Variants in DOCK3 observed in about 807,000 individuals in gnomAD.
DOCK3 encodes dedicator of cytokinesis protein 3.
Under a neutral mutation model 265.6 loss-of-function variants are expected in DOCK3, and 60 were observed. That is an observed-to-expected ratio of 0.23 (90% confidence interval 0.18 to 0.28). The LOEUF is 0.28. Among genes scored for constraint, DOCK3 ranks in the 10% least tolerant of loss-of-function variants. DOCK3 has a pLI of 1.00. For synonymous variants in DOCK3, 881 were observed against 938.0 expected (o/e 0.94, Z 1.11); for missense variants, 1,981 against 2,594.3 (o/e 0.76, Z 5.14).
chr3:50,956,516 A>G (rs1165771224), intron 5 of DOCK3, among the ~76,000 whole-genome samples: 1 of 152,204 alleles, frequency 6.6e-6, no homozygotes, highest in Non-Finnish European at 1.5e-5. Context: ...TGATTATACC[A>G]CTACATACTT....
At chr3:51,335,526 C>T (rs1186360848) in intron 35 of DOCK3, among the ~76,000 whole-genome samples, 1 of 152,198 alleles carries the variant, frequency 6.6e-6, no homozygotes, top group Non-Finnish European at 1.5e-5. Flanking sequence ...AAAAGAGGAC[C>T]AGCTCCTTGA....
At chr3:50,830,873 A>G (rs2045101544) in intron 2 of DOCK3, among the ~76,000 whole-genome samples, 2 of 152,230 alleles carry the variant, frequency 1.3e-5, no homozygotes, top group South Asian at 4.1e-4. Context: ...CAGGCAGAGC[A>G]GCCCTCCTGG....
intron 4 of DOCK3, among the ~76,000 whole-genome samples, chr3:50,921,954 C>T (rs1418600410): frequency 6.6e-6 from 1 of 152,182 alleles, no homozygotes; most frequent in African/African-American, 2.4e-5. Context: ...TATTCGGTGT[C>T]AGTCAGCCCT....
intron 12 of DOCK3, among the ~76,000 whole-genome samples, chr3:51,180,538 C>T (rs902277585): frequency 1.3e-5 from 2 of 152,124 alleles, no homozygotes; most frequent in African/African-American, 4.8e-5. Flanking sequence ...TTCTTTTTCA[C>T]GTTATTGTCT....
intron 3 of DOCK3, among the ~76,000 whole-genome samples, chr3:50,868,370 C>G (rs548957463): frequency 6.6e-6 from 1 of 152,188 alleles, no homozygotes; most frequent in South Asian, 2.1e-4. Context: ...CCATGCCCGG[C>G]CTGCTTTTGT....
chr3:50,849,661 T>C (rs1382888020), intron 3 of DOCK3, among the ~76,000 whole-genome samples: 2 of 152,152 alleles, frequency 1.3e-5, no homozygotes, highest in African/African-American at 4.8e-5. Flanking sequence ...AGAATAGCAA[T>C]GAAGACTAGA....
chr3:51,218,605 G>T (rs1245247877), intron 14 of DOCK3, among the ~76,000 whole-genome samples: 5 of 152,120 alleles, frequency 3.3e-5, no homozygotes, highest in Non-Finnish European at 7.4e-5. Flanking sequence ...CTTTGTCGTG[G>T]TTTTTTGGGA....
chr3:51,278,420 A>G, intron 26 of DOCK3: 1 of 985,356 alleles, frequency 1.0e-6, no homozygotes, highest in Non-Finnish European at 1.2e-6. Context: ...GTTTTCGTGG[A>G]ATCTTTCCAT....
intron 1 of DOCK3, among the ~76,000 whole-genome samples, chr3:50,725,495 G>C (rs1452305854): frequency 6.6e-6 from 1 of 152,186 alleles, no homozygotes; most frequent in South Asian, 2.1e-4. Context: ...TTCCTCTACT[G>C]ATACAGTGAT....
At chr3:51,058,909 A>G (rs1216989591) in intron 5 of DOCK3, among the ~76,000 whole-genome samples, 1 of 152,124 alleles carries the variant, frequency 6.6e-6, no homozygotes, top group East Asian at 1.9e-4. Flanking sequence ...TTACATATAT[A>G]TGTATGTATG....
intron 3 of DOCK3, among the ~76,000 whole-genome samples, chr3:50,864,425 T>C (rs2675823): frequency 0.057 from 8,711 of 152,240 alleles, 886 homozygotes; most frequent in African/African-American, 0.2. Context: ...GATTGTTTGC[T>C]TTGAAGAACT....
At chr3:50,799,283 G>A (rs139978979) in intron 2 of DOCK3, among the ~76,000 whole-genome samples, 49 of 152,212 alleles carry the variant, frequency 3.2e-4, no homozygotes, top group African/African-American at 1.0e-3. Context: ...GGATTGCATC[G>A]AATCTGTAGA....
chr3:51,322,866 T>C (rs911507688), intron 32 of DOCK3, among the ~76,000 whole-genome samples: 1 of 151,558 alleles, frequency 6.6e-6, no homozygotes, highest in African/African-American at 2.4e-5. Flanking sequence ...GCAAATTGGG[T>C]AAAGAGTCAA....
rs1253316730 is a variant in DOCK3, at chr3:51,277,759, G to A, written c.2823+5G>A. The A allele has an allele frequency of 6.2e-7, 1 of 1,609,652 alleles. No individual in the cohort carries two copies. Among genetic ancestry groups the A allele is most frequent in the East Asian group, 2.2e-5 (1 of 44,756 alleles). On this transcript the variant is annotated splice_donor_5th_base_variant and intron_variant, in intron 26 of 52. Transcript: ENST00000266037. Reference sequence around the variant, plus strand: ...CAGTGCACAGCCGAGATCACTGTTAGTAACTAACATCCAGGTTTTCTTGCC... The same window carrying A: ...CAGTGCACAGCCGAGATCACTGTTAATAACTAACATCCAGGTTTTCTTGCC...
At chr3:51,260,938 C>T (rs531390765) in intron 23 of DOCK3, among the ~76,000 whole-genome samples, 527 of 151,710 alleles carry the variant, frequency 3.5e-3, no homozygotes, top group Non-Finnish European at 5.6e-3. Context: ...GAGCCAAGAT[C>T]GCACCACTGC....
At chr3:51,010,266 G>C (rs879316872) in intron 5 of DOCK3, among the ~76,000 whole-genome samples, 4 of 151,986 alleles carry the variant, frequency 2.6e-5, no homozygotes, top group Non-Finnish European at 5.9e-5. Context: ...TCTGTTTGTT[G>C]GTCTCTAAGG....
chr3:51,347,167 G>A (rs1396685675), intron 38 of DOCK3, among the ~76,000 whole-genome samples: 1 of 152,118 alleles, frequency 6.6e-6, no homozygotes, highest in Non-Finnish European at 1.5e-5. Flanking sequence ...GTCAACTTTG[G>A]CTTTTGTTGC....
intron 32 of DOCK3, among the ~76,000 whole-genome samples, chr3:51,315,467 C>T (rs896893222): frequency 3.3e-5 from 5 of 152,152 alleles, no homozygotes; most frequent in African/African-American, 9.6e-5. Context: ...CTGTATAATC[C>T]AGGCATTTCT....
intron 1 of DOCK3, among the ~76,000 whole-genome samples, chr3:50,704,373 A>G (rs978365243): frequency 5.3e-5 from 8 of 151,774 alleles, no homozygotes; most frequent in Admixed American, 1.3e-4. Context: ...AGTGGGTGTT[A>G]AATTCCCCAG....
Sources: allele counts gnomAD v4.1 joint callset (sites outside exome capture counted in the v4.1 genomes callset), GRCh38; gene constraint gnomAD v4.1.1; transcripts MANE v1.5; gene names NCBI Gene and HGNC (gene_info 2026-07-23, HGNC 2026-07-21).